Variants in METTL22 observed in about 807,000 individuals in gnomAD.
METTL22 encodes methyltransferase 22, Kin17 lysine.
Under a neutral mutation model 48.4 loss-of-function variants are expected in METTL22, and 51 were observed. The observed-to-expected ratio is 1.05, with a 90% confidence interval of 0.84 to 1.33. METTL22 has a LOEUF of 1.33. Among genes scored for constraint, METTL22 ranks in the 40% most tolerant of loss-of-function variants. The pLI is 0.00. For synonymous variants in METTL22, 255 were observed against 214.1 expected (o/e 1.19, Z -1.67); for missense variants, 678 against 526.9 (o/e 1.29, Z -2.81).
chr16:8,642,054 G>C lies in METTL22; in HGVS notation c.827-73G>C. 17 of 1,187,394 alleles carry C rather than the reference G, an allele frequency of 1.4e-5. 2 individuals are homozygous for C. The South Asian group carries it at 2.1e-4, about 14-fold the overall frequency. The allele number at this position is 1,187,394 out of a possible 1,614,324, so 73.6% of individuals were successfully genotyped here. A position where few individuals can be genotyped will look rare whatever the true frequency, so the allele number is the denominator to read the frequency against. ...TGTTTCTTCTCTTGAAGTGCCTTTT[G>C]GTCAGTCCCAGTGAGAGTTGGTGGC... On this transcript the variant is annotated intron_variant, in intron 7 of 10. Coordinates refer to ENST00000381920, the MANE Select transcript of METTL22 (RefSeq NM_024109.4).
At position 8,646,153 on chromosome 16, in the gene METTL22, T is replaced by C; in HGVS notation, c.*10T>C. 6.2e-7 allele frequency: 1 copy of C among 1,614,070 alleles called. No individual in the cohort carries two copies. Among genetic ancestry groups the C allele is most frequent in the African/African-American group, 1.3e-5 (1 of 75,048 alleles). On this transcript the variant is annotated 3_prime_UTR_variant, in exon 11 of 11. Coordinates refer to ENST00000381920, the MANE Select transcript of METTL22 (RefSeq NM_024109.4). Reference sequence around the variant, plus strand: ...AGAACCAGTAACATGACCCATCGCCTCCACAAGGCGCGGCGTCTCGACTGT... The same window carrying C: ...AGAACCAGTAACATGACCCATCGCCCCCACAAGGCGCGGCGTCTCGACTGT...
At chr16:8,645,253 G>A (rs2270287) in intron 10 of METTL22, among the ~76,000 whole-genome samples, 17,061 of 152,220 alleles carry the variant, frequency 0.11, 1,140 homozygotes, top group South Asian at 0.18. Context: ...GTGGAGACCC[G>A]GGCCTAGTTC....
downstream of METTL22, among the ~76,000 whole-genome samples, chr16:8,652,928 A>G (rs377545545): frequency 5.3e-5 from 8 of 152,322 alleles, no homozygotes; most frequent in African/African-American, 1.7e-4. Flanking sequence ...TCCCAACGGG[A>G]TGATGATGCT....
At chr16:8,625,026 G>GA (rs113843522) in intron 1 of METTL22, among the ~76,000 whole-genome samples, 1 of 151,630 alleles carries the variant, frequency 6.6e-6, no homozygotes, top group Non-Finnish European at 1.5e-5. Flanking sequence ...GTTTCTGGGG[G>GA]AAAAAAAACC....
chr16:8,661,174 C>T, the METTL22 span, among the ~76,000 whole-genome samples: 1 of 151,810 alleles, frequency 6.6e-6, no homozygotes, highest in Non-Finnish European at 1.5e-5. Context: ...CCAGACGTGC[C>T]AGAAAGGAAT....
At chr16:8,652,556 C>T (rs1018674463), downstream of METTL22, among the ~76,000 whole-genome samples, 5 of 144,964 alleles carry the variant, frequency 3.4e-5, no homozygotes, top group African/African-American at 1.0e-4. Context: ...CAGTGGCTCA[C>T]ACCTGTAATC....
the METTL22 span, among the ~76,000 whole-genome samples, chr16:8,659,540 G>A: frequency 7.9e-5 from 12 of 152,036 alleles, no homozygotes; most frequent in Non-Finnish European, 1.2e-4. Context: ...CTGACCTCAC[G>A]AAGCCTACAT....
At chr16:8,636,155 C>G (rs2056415157) in intron 5 of METTL22, among the ~76,000 whole-genome samples, 2 of 152,048 alleles carry the variant, frequency 1.3e-5, no homozygotes, top group Admixed American at 6.6e-5. Flanking sequence ...GTCTGTGTTT[C>G]CACTCAGTAT....
At chr16:8,643,102 AACAGTAGTCC>A (rs1286638933) in intron 9 of METTL22, among the ~76,000 whole-genome samples, 10 of 152,320 alleles carry the variant, frequency 6.6e-5, no homozygotes, top group South Asian at 2.1e-4. Context: ...TGTAATACTT[AACAGTAGTCC>A]ACAGCTTTTC....
intron 1 of METTL22, among the ~76,000 whole-genome samples, chr16:8,624,741 C>T (rs963957667): frequency 6.6e-6 from 1 of 152,004 alleles, no homozygotes; most frequent in African/African-American, 2.4e-5. Flanking sequence ...GGTGGCATAG[C>T]TGTAGTCCTA....
At chr16:8,644,508 C>G in intron 9 of METTL22, 49 bp from the exon 10 acceptor site, 3 of 1,502,574 alleles carry the variant, frequency 2.0e-6, no homozygotes, top group Non-Finnish European at 2.7e-6. Context: ...ACAGCAAAAC[C>G]CTTCCCATTG....
chr16:8,637,331 T>G (rs1425452235), intron 5 of METTL22, among the ~76,000 whole-genome samples: 1 of 152,194 alleles, frequency 6.6e-6, no homozygotes, highest in African/African-American at 2.4e-5. Context: ...GTCATGTAAA[T>G]TATCAGTGAG....
intron 8 of METTL22, 111 bp downstream of exon 8, chr16:8,642,318 A>T: frequency 8.1e-7 from 1 of 1,233,294 alleles, no homozygotes; most frequent in Non-Finnish European, 1.2e-6. Flanking sequence ...TTTCTGGTAC[A>T]TGCCACCACA....
At chr16:8,660,885 A>T in the METTL22 span, among the ~76,000 whole-genome samples, 27 of 114,462 alleles carry the variant, frequency 2.4e-4, 1 homozygote, top group East Asian at 1.5e-3. Context: ...GAAGAGGAGG[A>T]GGAGGAGGAG....
intron 2 of METTL22, 24 bp downstream of exon 2, chr16:8,625,822 C>T: frequency 6.2e-7 from 1 of 1,611,190 alleles, no homozygotes; most frequent in Non-Finnish European, 8.5e-7. Flanking sequence ...CCCAGGTGCC[C>T]TGCGGATCCT....
rs968162897 is a variant in METTL22 at position 8,625,685 on chromosome 16, C to T, written c.20C>T (p.Ala7Val). 1.4e-5 allele frequency: 23 copies of T among 1,613,992 alleles called. 1 individual carries two copies. The Admixed American group carries it at 1.7e-4, about 12-fold the overall frequency. MVQLAP[A>V]AAMDEVTFRS... ...TGGGCCATGGTACAGCTGGCTCCTGCGGCAGCCATGGACGAGGTCACCTTT... is the reference window on the plus strand; with the variant it reads ...TGGGCCATGGTACAGCTGGCTCCTGTGGCAGCCATGGACGAGGTCACCTTT... Residue 7 changes from alanine to valine, a missense_variant, in exon 2 of 11, where the codon GCG becomes GTG. Transcript: ENST00000381920.
chr16:8,642,542 A>G lies in METTL22; in HGVS notation c.987A>G (p.Thr329=), dbSNP rs757269207. 6.2e-6 allele frequency: 10 copies of G among 1,614,242 alleles called. No homozygotes were observed. The highest frequency in any genetic ancestry group is 1.3e-5 in the African/African-American group (1 of 75,072). The change falls in exon 9 of 11, where the codon ACA becomes ACG. Residue 329 remains threonine, a synonymous_variant. Coordinates refer to ENST00000381920, the MANE Select transcript of METTL22 (RefSeq NM_024109.4). ...RLAHRLKNAC[T]AILSVEKRLN... ...CCCACAGATTGAAAAATGCCTGCAC[A>G]GCCATACTGTCGGTGGAGAAGAGGT...
intron 5 of METTL22, 57 bp from the exon 6 acceptor site, chr16:8,639,034 T>C (rs376237831): frequency 6.4e-7 from 1 of 1,550,530 alleles, no homozygotes; most frequent in Non-Finnish European, 8.9e-7. Flanking sequence ...GCAAAAAACA[T>C]GGAGATAAAA....
intron 5 of METTL22, among the ~76,000 whole-genome samples, chr16:8,638,102 G>C (rs1162640914): frequency 2.1e-5 from 2 of 96,414 alleles, no homozygotes; most frequent in African/African-American, 8.0e-5. Flanking sequence ...AGCCAAGGTT[G>C]CACCACTGTA....
Sources: allele counts gnomAD v4.1 joint callset (sites outside exome capture counted in the v4.1 genomes callset), GRCh38; gene constraint gnomAD v4.1.1; transcripts MANE v1.5; gene names NCBI Gene and HGNC (gene_info 2026-07-23, HGNC 2026-07-21).